The following ZNF461 variants were observed in gnomAD, a reference collection of about 807,000 sequenced individuals.
ZNF461 encodes gonadotropin-inducible ovarian transcription factor-1.
A neutral mutation model predicts 18.3 loss-of-function variants in ZNF461; 16 were observed. The observed-to-expected ratio is 0.88, with a 90% CI of 0.59 to 1.33. The LOEUF (loss-of-function observed/expected upper bound fraction) is 1.33. Ranked by LOEUF, ZNF461 falls within the 40% of genes most tolerant of loss-of-function variation. The pLI is 0.00. For missense variants in ZNF461, 595 were observed against 669.9 expected, an observed-to-expected ratio of 0.89 and a Z score of 1.23; for synonymous variants, 179 against 216.9, an observed-to-expected ratio of 0.83 and a Z score of 1.54.
chr19:36,664,593 C>CAAA (rs560561888), intron 2 of ZNF461, 105 bp downstream of exon 2: 58 of 668,416 alleles, frequency 8.7e-5, no homozygotes, highest in Middle Eastern at 4.9e-4. Context: ...GGCTATGTCT[C>CAAA]AAAAAAAAAA....
chr19:36,640,453 T>C (rs2037404335), intron 5 of ZNF461, among the ~76,000 whole-genome samples: 1 of 152,216 alleles, frequency 6.6e-6, no homozygotes, highest in South Asian at 2.1e-4. Context: ...TTTCCCTTTT[T>C]AAAAAATATC....
chr19:36,660,197 T>G (rs1447418566), intron 2 of ZNF461, among the ~76,000 whole-genome samples: 1 of 149,194 alleles, frequency 6.7e-6, no homozygotes, highest in Non-Finnish European at 1.5e-5. Flanking sequence ...TTGCCCAAGC[T>G]GGAGTGCAGT....
rs2037341604 is a variant in ZNF461 at position 36,638,581 on chromosome 19, T to G, written c.*72A>C. 9.1e-7 allele frequency: 1 copy of G among 1,093,692 alleles called. No individual in the cohort carries two copies. The highest frequency in any genetic ancestry group is 1.3e-6 in the Non-Finnish European group (1 of 781,528). 67.7% of individuals were successfully genotyped at this position (1,093,692 alleles called of 1,614,324 possible). ...AAGGATTATTTAAATAAATAAATAC[T>G]AATGAAACTGGTGGCTTACCAACTT... On this transcript the variant is annotated 3_prime_UTR_variant, in exon 6 of 6. Transcript: ENST00000588268.
At chr19:36,640,949 T>C (rs1217945606) in intron 5 of ZNF461, among the ~76,000 whole-genome samples, 1 of 152,222 alleles carries the variant, frequency 6.6e-6, no homozygotes, top group Admixed American at 6.5e-5. Context: ...TGCTAACCAA[T>C]ATAATCTCAT....
At chr19:36,657,192 G>A (rs2037738385) in intron 3 of ZNF461, among the ~76,000 whole-genome samples, 1 of 151,776 alleles carries the variant, frequency 6.6e-6, no homozygotes, top group South Asian at 2.1e-4. Context: ...ACTTAAAAGA[G>A]AGTACAGGTC....
At chr19:36,658,530 T>C (rs1031167186) in intron 2 of ZNF461, 105 bp from the exon 3 acceptor site, 4 of 1,167,744 alleles carry the variant, frequency 3.4e-6, no homozygotes, top group East Asian at 2.6e-5. Flanking sequence ...GACAGTCTAC[T>C]GAATATATAG....
At chr19:36,663,227 G>A (rs1363420791) in intron 2 of ZNF461, among the ~76,000 whole-genome samples, 3 of 152,100 alleles carry the variant, frequency 2.0e-5, no homozygotes, top group African/African-American at 7.2e-5. Flanking sequence ...ATGTTGGCAA[G>A]GCTGGTCTAA....
chr19:36,639,323 C>T lies in ZNF461; in HGVS notation c.1022G>A (p.Gly341Asp), dbSNP rs751952470. ...TCGCAGGTGTTCAGTAAGTTGAAAG[C>T]CACGAATAAAAGCCTTCCCACATTG... ...CKQCGKAFIRGFQLTEHLRLH... is the reference protein window; with the variant it reads ...CKQCGKAFIRDFQLTEHLRLH... Residue 341 changes from glycine to aspartate, a missense_variant, in exon 6 of 6, where the codon GGC becomes GAC. Gly to Asp is a moderately conservative substitution (Grantham distance 94, BLOSUM62 -1). Transcript: ENST00000588268. The T allele has an allele frequency of 6.2e-6, 10 of 1,613,848 alleles. No individual in the cohort carries two copies. The Admixed American group carries it at 1.7e-4, about 27-fold the overall frequency.
At chr19:36,664,598 A>T in intron 2 of ZNF461, 100 bp downstream of exon 2, 1 of 1,030,200 alleles carries the variant, frequency 9.7e-7, no homozygotes, top group Non-Finnish European at 1.4e-6. Context: ...TGTCTCAAAA[A>T]AAAAAAAAGC....
At position 36,639,128 on chromosome 19, in the gene ZNF461, A is replaced by G; in HGVS notation, c.1217T>C (p.Ile406Thr). ...YHSSFSHHQK[I>T]HSGKKPYECH... ...TTCATAAGGTTTCTTGCCAGAATGAATTTTCTGATGGTGTGAGAAGCTTGA... is the reference window on the plus strand; with the variant it reads ...TTCATAAGGTTTCTTGCCAGAATGAGTTTTCTGATGGTGTGAGAAGCTTGA... The change falls in exon 6 of 6, where the codon ATT becomes ACT. Residue 406 changes from isoleucine to threonine, a missense_variant. Coordinates refer to ENST00000588268, the MANE Select transcript of ZNF461 (RefSeq NM_153257.5). The G allele has an allele frequency of 6.2e-7, 1 of 1,613,554 alleles. No homozygotes were observed. Among genetic ancestry groups the G allele is most frequent in the African/African-American group, 1.3e-5 (1 of 74,838 alleles).
chr19:36,639,156 G>A lies in ZNF461; in HGVS notation c.1189C>T (p.His397Tyr), dbSNP rs775624080. Residue 397 changes from histidine (H) to tyrosine (Y), a missense_variant, in exon 6 of 6, where the codon CAC becomes TAC. Physicochemically the swap from His to Tyr is moderately conservative, Grantham distance 83. Coordinates refer to ENST00000588268, the MANE Select transcript of ZNF461 (RefSeq NM_153257.5). ...CRECGKAFSY[H>Y]SSFSHHQKIH... is the part of the protein sequence containing the mutation. ...TTCTGATGGTGTGAGAAGCTTGAGTGATAGCTAAAGGCCTTCCCACATTCC... is the reference window on the plus strand; with the variant it reads ...TTCTGATGGTGTGAGAAGCTTGAGTAATAGCTAAAGGCCTTCCCACATTCC... The A allele has an allele frequency of 6.2e-7, 1 of 1,613,762 alleles. No homozygotes were observed. The highest frequency in any genetic ancestry group is 1.1e-5 in the South Asian group (1 of 91,040).
At chr19:36,665,872 G>C (rs1020083016) in intron 1 of ZNF461, among the ~76,000 whole-genome samples, 3 of 152,094 alleles carry the variant, frequency 2.0e-5, no homozygotes, top group East Asian at 3.9e-4. Context: ...CGCTTGTGTT[G>C]TGTGTGTAAA....
chr19:36,648,773 G>C (rs573024233), intron 4 of ZNF461, among the ~76,000 whole-genome samples: 1 of 152,086 alleles, frequency 6.6e-6, no homozygotes, highest in Non-Finnish European at 1.5e-5. Context: ...TAGAGACGGG[G>C]TTTCGCCATG....
intron 3 of ZNF461, 52 bp downstream of exon 3, chr19:36,658,247 A>C: frequency 6.5e-7 from 1 of 1,549,892 alleles, no homozygotes; most frequent in Non-Finnish European, 8.7e-7. Flanking sequence ...TAGATTGTGA[A>C]TTGTTAGCGG....
chr19:36,639,093 A>G lies in ZNF461; in HGVS notation c.1252T>C (p.Cys418Arg). 6.2e-7 allele frequency: 1 copy of G among 1,612,732 alleles called. No homozygotes were observed. Among genetic ancestry groups the G allele is most frequent in the Non-Finnish European group, 8.5e-7 (1 of 1,179,806 alleles). ...AAGCCATCACAAAAAGCCTTCCCAC[A>G]TTCATGACATTCATAAGGTTTCTTG... ...SGKKPYECHE[C>R]GKAFCDGLQL... The change falls in exon 6 of 6, where the codon TGT (cysteine) becomes CGT (arginine). Residue 418 changes from cysteine to arginine, a missense_variant. Transcript: ENST00000588268.
intron 2 of ZNF461, among the ~76,000 whole-genome samples, chr19:36,660,999 C>A (rs1386288180): frequency 6.6e-6 from 1 of 152,020 alleles, no homozygotes; most frequent in Non-Finnish European, 1.5e-5. Flanking sequence ...ATAGAAGTAT[C>A]CAGTTGTGTC....
At chr19:36,654,803 A>G (rs2037688138) in intron 4 of ZNF461, among the ~76,000 whole-genome samples, 1 of 151,896 alleles carries the variant, frequency 6.6e-6, no homozygotes, top group African/African-American at 2.4e-5. Flanking sequence ...TGCCATCTCT[A>G]CCTCCTCAAT....
rs950706260 is a variant in ZNF461, at chr19:36,639,225, T to C, written c.1120A>G (p.Ile374Val). 1.7e-5 allele frequency: 27 copies of C among 1,613,732 alleles called. No homozygotes were observed. The highest frequency in any genetic ancestry group is 9.4e-5 in the African/African-American group (7 of 74,822). Residue 374 changes from isoleucine to valine, a missense_variant, in exon 6 of 6, where the codon ATA becomes GTA. Transcript: ENST00000588268. ...KTFRHRSHLT[I>V]HQRIHTGEKP... is the part of the protein sequence containing the mutation. ...TCACCAGTATGAATTCTCTGATGTA[T>C]AGTAAGATGTGAGCGATGCCTAAAA...
chr19:36,645,686 G>A (rs933318814), intron 4 of ZNF461, among the ~76,000 whole-genome samples: 15 of 152,034 alleles, frequency 9.9e-5, no homozygotes, highest in Non-Finnish European at 7.4e-5. Context: ...CCTTCAGCAC[G>A]TTTCAAATAT....
Sources: gnomAD v4.1 joint callset for allele counts (sites outside exome capture counted in the v4.1 genomes callset) on GRCh38, gnomAD v4.1.1 for gene constraint, MANE v1.5 for transcripts, NCBI Gene and HGNC (gene_info 2026-07-23, HGNC 2026-07-21) for gene names.